MMS22L: variants seen among roughly 807,000 people sequenced by gnomAD.
The protein encoded by MMS22L is MMS22 like, DNA repair protein, also known as protein MMS22-like.
A neutral mutation model predicts 159.1 loss-of-function variants in MMS22L; 74 were observed. The observed-to-expected ratio is 0.47, with a 90% CI of 0.39 to 0.56. The LOEUF (loss-of-function observed/expected upper bound fraction) is 0.56. MMS22L is among the 20% of genes least tolerant of loss of function. MMS22L has a pLI of 0.00. For missense variants in MMS22L, 1,351 were observed against 1,422.1 expected (o/e 0.95, Z 0.80); for synonymous variants, 517 against 506.9 (o/e 1.02, Z -0.27).
chr6:97,248,750 T>C (rs924261377), intron 10 of MMS22L, among the ~76,000 whole-genome samples: 2 of 151,704 alleles, frequency 1.3e-5, no homozygotes, highest in African/African-American at 4.8e-5. Flanking sequence ...TCTCAGCTAC[T>C]AGGGAGGTTG....
At chr6:97,199,644 T>C (rs1806927635) in intron 14 of MMS22L, among the ~76,000 whole-genome samples, 1 of 152,002 alleles carries the variant, frequency 6.6e-6, no homozygotes, top group African/African-American at 2.4e-5. Context: ...CTAGTGACCA[T>C]TGCCAATTGT....
In MMS22L at chr6:97,263,531, G is replaced by A. The variant is rs1233347934; in HGVS notation, c.829-83C>T. 1.6e-4 allele frequency: 96 copies of A among 589,430 alleles called. 1 individual carries two copies. Among genetic ancestry groups the A allele is most frequent in the Non-Finnish European group, 6.2e-5 (22 of 357,376 alleles). 36.5% of individuals were successfully genotyped at this position (589,430 alleles called of 1,614,324 possible). ...ATATATCTTTCAAATACTTTTAAAAGAATGATTTAGATGACTAAGAATTTA... is the reference window on the plus strand; with the variant it reads ...ATATATCTTTCAAATACTTTTAAAAAAATGATTTAGATGACTAAGAATTTA... On this transcript the variant is annotated intron_variant, in intron 8 of 24. Coordinates refer to ENST00000683635, the MANE Select transcript of MMS22L (RefSeq NM_001350599.2).
intron 14 of MMS22L, among the ~76,000 whole-genome samples, chr6:97,191,454 G>A (rs535835557): frequency 6.7e-6 from 1 of 149,956 alleles, no homozygotes; most frequent in Non-Finnish European, 1.5e-5. Flanking sequence ...AAAGTTTAAG[G>A]AAAATTAAAA....
intron 11 of MMS22L, among the ~76,000 whole-genome samples, chr6:97,244,738 T>TTAA (rs1812448546): frequency 6.6e-6 from 1 of 152,038 alleles, no homozygotes; most frequent in South Asian, 2.1e-4. Flanking sequence ...ATCATGTGAG[T>TTAA]TAATACTCCT....
chr6:97,170,966 A>C (rs760989665), intron 19 of MMS22L, among the ~76,000 whole-genome samples: 1 of 152,208 alleles, frequency 6.6e-6, no homozygotes, highest in Non-Finnish European at 1.5e-5. Context: ...AGATCACGTC[A>C]CTGCACTTCA....
intron 22 of MMS22L, among the ~76,000 whole-genome samples, chr6:97,160,430 A>T (rs1398801379): frequency 6.6e-6 from 1 of 152,036 alleles, no homozygotes; most frequent in African/African-American, 2.4e-5. Flanking sequence ...TGTGAATGCT[A>T]TCCCACTGTC....
In MMS22L at chr6:97,269,920, T is replaced by G. The variant is rs996406611; in HGVS notation, c.679A>C (p.Met227Leu). The G allele has an allele frequency of 1.9e-6, 3 of 1,610,318 alleles. No homozygotes were observed. Among genetic ancestry groups the G allele is most frequent in the African/African-American group, 1.3e-5 (1 of 74,992 alleles). Residue 227 changes from methionine to leucine, a missense_variant, in exon 7 of 25, where the codon ATG (methionine) becomes CTG (leucine). By Grantham distance (15) the Met-to-Leu change is conservative. Transcript: ENST00000683635. Reference sequence around the variant, plus strand: ...AACTTACTCAATTTTTCACCCAGCATGTAAAGAATTTCTAGCACCAGCCAA... The same window carrying G: ...AACTTACTCAATTTTTCACCCAGCAGGTAAAGAATTTCTAGCACCAGCCAA... Reference protein sequence around the residue: ...IHWLVLEILYMLGEKLKQVVY... With the variant: ...IHWLVLEILYLLGEKLKQVVY...
chr6:97,156,590 C>T (rs1244927769), intron 22 of MMS22L, among the ~76,000 whole-genome samples: 1 of 151,934 alleles, frequency 6.6e-6, no homozygotes, highest in East Asian at 1.9e-4. Flanking sequence ...TTCCCCATTG[C>T]TTGTGTCAGG....
intron 19 of MMS22L, among the ~76,000 whole-genome samples, chr6:97,169,066 A>C (rs565840500): frequency 6.6e-6 from 1 of 152,226 alleles, no homozygotes; most frequent in African/African-American, 2.4e-5. Context: ...ATTAGCTATA[A>C]GCTAATCACT....
chr6:97,212,942 A>G (rs531575772), intron 14 of MMS22L, among the ~76,000 whole-genome samples: 2 of 152,314 alleles, frequency 1.3e-5, no homozygotes, highest in South Asian at 2.1e-4. Flanking sequence ...CCAACTAAAA[A>G]CTATGTACAG....
intron 14 of MMS22L, among the ~76,000 whole-genome samples, chr6:97,215,114 A>ATATATATATATATATATATATTTTTTTTT (rs1209431095): frequency 1.1e-5 from 1 of 87,190 alleles, no homozygotes; most frequent in African/African-American, 3.5e-5. Context: ...ATATATATAT[A>ATATATATATATATATATATATTTTTTTTT]TTTTTTTTTT....
chr6:97,258,708 T>C (rs1396886666), intron 9 of MMS22L: 1 of 152,132 alleles, frequency 6.6e-6, no homozygotes, highest in African/African-American at 2.4e-5. Flanking sequence ...AGAATACAAA[T>C]ATAATAGATT....
At chr6:97,167,147 G>T (rs762518974) in intron 20 of MMS22L, among the ~76,000 whole-genome samples, 13 of 152,068 alleles carry the variant, frequency 8.5e-5, no homozygotes, top group Non-Finnish European at 1.8e-4. Flanking sequence ...CTGAATGGCA[G>T]ATCAATATTT....
Position 97,145,755 on chromosome 6 carries a change from C to T in MMS22L, c.*1051G>A, listed in dbSNP as rs1316980479. 1.3e-5 allele frequency: 2 copies of T among 152,114 alleles called. No individual in the cohort carries two copies. The highest frequency in any genetic ancestry group is 2.9e-5 in the Non-Finnish European group (2 of 68,002). 9.4% of individuals were successfully genotyped at this position (152,114 alleles called of 1,614,324 possible). A position where few individuals can be genotyped will look rare whatever the true frequency, so the allele number is the denominator to read the frequency against. On this transcript the variant is annotated 3_prime_UTR_variant, in exon 25 of 25. Coordinates refer to ENST00000683635, the MANE Select transcript of MMS22L (RefSeq NM_001350599.2). ...AGACTGAGAAAGGTTACGTAACTAGCTCAAGATCATAAAGCAAAGCTGAGT... is the reference window on the plus strand; with the variant it reads ...AGACTGAGAAAGGTTACGTAACTAGTTCAAGATCATAAAGCAAAGCTGAGT...
At chr6:97,152,683 T>A (rs913723928) in intron 22 of MMS22L, among the ~76,000 whole-genome samples, 5 of 152,124 alleles carry the variant, frequency 3.3e-5, no homozygotes, top group African/African-American at 9.7e-5. Flanking sequence ...GAGAATGTTT[T>A]CCATGCGATG....
intron 14 of MMS22L, among the ~76,000 whole-genome samples, chr6:97,220,930 A>G (rs1562473810): frequency 6.6e-6 from 1 of 150,860 alleles, no homozygotes; most frequent in Non-Finnish European, 1.5e-5. Flanking sequence ...AAGAATGGGT[A>G]AAAAAACCAT....
intron 14 of MMS22L, among the ~76,000 whole-genome samples, chr6:97,220,452 G>A (rs904558651): frequency 5.3e-5 from 8 of 152,194 alleles, no homozygotes; most frequent in African/African-American, 1.9e-4. Flanking sequence ...AAATTGTATG[G>A]TGTGTGAATT....
At position 97,212,054 on chromosome 6, in the gene MMS22L, T is replaced by A. The variant is rs1161505297; in HGVS notation, c.2039+16840A>T. Among the ~76,000 whole-genome samples the A allele has an allele frequency of 1.5e-4, 23 of 152,178 alleles. 1 individual carries two copies. The highest frequency in any genetic ancestry group is 1.5e-3 in the Admixed American group (23 of 15,272). On this transcript the variant is annotated intron_variant, in intron 14 of 24. Transcript: ENST00000683635. ...AAATTCTGTAAGTGACATGGAAGTT[T>A]TAAGAAAAGTCTCCAACATCTGTCT...
At chr6:97,203,973 T>C (rs1359267033) in intron 14 of MMS22L, among the ~76,000 whole-genome samples, 1 of 152,182 alleles carries the variant, frequency 6.6e-6, no homozygotes, top group Non-Finnish European at 1.5e-5. Flanking sequence ...CCAGCAGTAG[T>C]AGCTGACTAC....
Sources: gnomAD v4.1 joint callset for allele counts (sites outside exome capture counted in the v4.1 genomes callset) on GRCh38, gnomAD v4.1.1 for gene constraint, MANE v1.5 for transcripts, NCBI Gene and HGNC (gene_info 2026-07-23, HGNC 2026-07-21) for gene names.